The following SKIC3 variants were observed in gnomAD, a reference collection of about 807,000 sequenced individuals.
The protein encoded by SKIC3 is SKI3 subunit of superkiller complex, also known as superkiller complex protein 3.
the SKIC3 span, chr5:95,490,983 G>A: frequency 6.2e-7 from 1 of 1,614,146 alleles, no homozygotes; most frequent in Non-Finnish European, 8.5e-7. Context: ...ACTAAGGCCA[G>A]TTTATCATCA....
chr5:95,491,383 T>G, the SKIC3 span, among the ~76,000 whole-genome samples: 2 of 152,196 alleles, frequency 1.3e-5, no homozygotes, highest in African/African-American at 4.8e-5. Context: ...CTCATCTTCA[T>G]GACTTAGTAG....
the SKIC3 span, among the ~76,000 whole-genome samples, chr5:95,481,519 T>C: frequency 2.5e-4 from 38 of 152,316 alleles, no homozygotes; most frequent in African/African-American, 9.1e-4. Flanking sequence ...AATACACTTA[T>C]GATATAATTT....
chr5:95,542,816 T>C, the SKIC3 span, among the ~76,000 whole-genome samples: 10 of 152,158 alleles, frequency 6.6e-5, no homozygotes, highest in African/African-American at 2.2e-4. Flanking sequence ...GATAGAAACA[T>C]TAACATTTTT....
At chr5:95,470,818 A>T in the SKIC3 span, among the ~76,000 whole-genome samples, 1 of 152,282 alleles carries the variant, frequency 6.6e-6, no homozygotes, top group South Asian at 2.1e-4. Context: ...GAAATAACAA[A>T]GGTAAGTATT....
the SKIC3 span, chr5:95,524,390 C>A: frequency 6.3e-7 from 1 of 1,576,302 alleles, no homozygotes; most frequent in Admixed American, 1.7e-5. Context: ...GTAATTGTAA[C>A]TAATGTATAT....
At chr5:95,490,469 T>C in the SKIC3 span, among the ~76,000 whole-genome samples, 13 of 147,012 alleles carry the variant, frequency 8.8e-5, no homozygotes, top group Non-Finnish European at 4.5e-5. Flanking sequence ...ATAATGTATA[T>C]ATATATTCAT....
At chr5:95,506,672 T>TA in the SKIC3 span, among the ~76,000 whole-genome samples, 1 of 152,208 alleles carries the variant, frequency 6.6e-6, no homozygotes, top group Non-Finnish European at 1.5e-5. Context: ...CTTCTACTGT[T>TA]AGAGACAGTC....
chr5:95,520,020 A>G, the SKIC3 span, among the ~76,000 whole-genome samples: 1 of 152,148 alleles, frequency 6.6e-6, no homozygotes, highest in Non-Finnish European at 1.5e-5. Flanking sequence ...CAACCAATAA[A>G]TACAAAACAG....
At chr5:95,514,328 C>A in the SKIC3 span, among the ~76,000 whole-genome samples, 1 of 151,940 alleles carries the variant, frequency 6.6e-6, no homozygotes, top group South Asian at 2.1e-4. Flanking sequence ...CAGTAGGTAA[C>A]AGACTCAGAC....
chr5:95,470,746 A>C, the SKIC3 span, among the ~76,000 whole-genome samples: 19 of 151,572 alleles, frequency 1.3e-4, no homozygotes, highest in Admixed American at 4.6e-4. Context: ...CTAAGATATT[A>C]ATGTATCTAT....
At chr5:95,469,157 T>C in the SKIC3 span, among the ~76,000 whole-genome samples, 36 of 152,346 alleles carry the variant, frequency 2.4e-4, no homozygotes, top group Non-Finnish European at 1.5e-5. Flanking sequence ...TAGTATATAT[T>C]AGAACTAGAT....
chr5:95,520,750 C>G, the SKIC3 span: 29 of 1,611,766 alleles, frequency 1.8e-5, no homozygotes, highest in Non-Finnish European at 2.3e-5. Flanking sequence ...TCTATGTAGT[C>G]TACGGCTTTT....
chr5:95,515,998 C>T, the SKIC3 span, among the ~76,000 whole-genome samples: 6 of 152,114 alleles, frequency 3.9e-5, no homozygotes, highest in Middle Eastern at 6.8e-3. Context: ...TAACTGTCTC[C>T]CTTGTGCTCA....
chr5:95,489,901 C>T, the SKIC3 span, among the ~76,000 whole-genome samples: 1 of 152,074 alleles, frequency 6.6e-6, no homozygotes, highest in South Asian at 2.1e-4. Context: ...ATATTTCAAT[C>T]TTATATAATC....
At chr5:95,470,153 T>C in the SKIC3 span, among the ~76,000 whole-genome samples, 1 of 152,010 alleles carries the variant, frequency 6.6e-6, no homozygotes, top group Non-Finnish European at 1.5e-5. Flanking sequence ...AATTTTTTTG[T>C]ATTTTTAGTA....
the SKIC3 span, among the ~76,000 whole-genome samples, chr5:95,480,619 A>G: frequency 1.3e-5 from 2 of 152,196 alleles, no homozygotes; most frequent in African/African-American, 4.8e-5. Context: ...ACCATTTTAG[A>G]TAACTCTTTG....
chr5:95,480,386 C>T, the SKIC3 span, among the ~76,000 whole-genome samples: 1 of 151,996 alleles, frequency 6.6e-6, no homozygotes, highest in East Asian at 1.9e-4. Context: ...AATGAAGACT[C>T]CATTAAAAAT....
At chr5:95,489,427 T>G in the SKIC3 span, among the ~76,000 whole-genome samples, 2 of 151,446 alleles carry the variant, frequency 1.3e-5, no homozygotes, top group African/African-American at 4.8e-5. Context: ...CTATAAGGAC[T>G]TGCACTATCC....
At chr5:95,547,845 A>G in the SKIC3 span, among the ~76,000 whole-genome samples, 3 of 152,100 alleles carry the variant, frequency 2.0e-5, no homozygotes, top group Non-Finnish European at 4.4e-5. Context: ...TTTTAATGCT[A>G]GTTTCTGTGA....
Sources: gnomAD v4.1 joint callset for allele counts (sites outside exome capture counted in the v4.1 genomes callset) on GRCh38, gnomAD v4.1.1 for gene constraint, MANE v1.5 for transcripts, NCBI Gene and HGNC (gene_info 2026-07-23, HGNC 2026-07-21) for gene names.